PRKN: variants seen among roughly 807,000 people sequenced by gnomAD.
PRKN encodes E3 ubiquitin-protein ligase parkin.
A neutral mutation model predicts 59.5 loss-of-function variants in PRKN; 56 were observed. The ratio of observed to expected loss-of-function variants is 0.94; its 90% CI spans 0.76 to 1.18. PRKN has a LOEUF of 1.18. PRKN is among the 50% of genes most tolerant of loss of function. The probability of loss-of-function intolerance (pLI) is 0.00; values close to 1 mark genes in which losing one functional copy is unlikely to be tolerated. For missense variants in PRKN, 657 were observed against 596.4 expected (o/e 1.10, Z -1.06); for synonymous variants, 250 against 222.1 (o/e 1.13, Z -1.12).
intron 7 of PRKN, among the ~76,000 whole-genome samples, chr6:161,685,033 T>C (rs535462761): frequency 6.6e-6 from 1 of 152,210 alleles, no homozygotes; most frequent in Non-Finnish European, 1.5e-5. Context: ...TGGAAACAAC[T>C]GAAAAACTCT....
rs540947830 is a variant in PRKN at position 162,602,948 on chromosome 6, G to A, written c.7+124714C>T. On this transcript the variant is annotated intron_variant, in intron 1 of 11. Transcript: ENST00000366898. ...ATACTAAGTGTGTCACATCCTCTCC[G>A]CCTGGGGTTCTTGGCTGACATTACC... 1.2e-4 allele frequency among the ~76,000 whole-genome samples: 18 copies of A among 152,168 alleles called. No individual in the cohort carries two copies. The South Asian group carries it at 2.3e-3, about 19-fold the overall frequency.
rs186503679 is a variant in PRKN at position 162,586,350 on chromosome 6, C to T, written c.7+141312G>A. Among the ~76,000 whole-genome samples, 7 of 152,214 alleles carry T rather than the reference C, an allele frequency of 4.6e-5. No homozygotes were observed. The East Asian group carries it at 1.2e-3, about 25-fold the overall frequency. On this transcript the variant is annotated intron_variant, in intron 1 of 11. Transcript: ENST00000366898. ...TGTGTTTCAATAGTTAGCATTAATT[C>T]GAAACTAAAATGTACTCTGCTAATG...
rs1786489540 is a variant in PRKN, at chr6:161,391,207, A to G, written c.1084-4330T>C. Among the ~76,000 whole-genome samples, 1 of 152,052 alleles carries G rather than the reference A, an allele frequency of 6.6e-6. No individual in the cohort carries two copies. The highest frequency in any genetic ancestry group is 2.1e-4 in the South Asian group (1 of 4,828). ...CGCCTGGATCCTTCTTTAACCAACC[A>G]TGTAGAAGGCTGAAATTTACCCAGG... is the stretch of plus-strand genomic sequence containing the variant. On this transcript the variant is annotated intron_variant, in intron 9 of 11. Transcript: ENST00000366898. This position sits in a 1 kb window ranked among gnomAD's most constrained non-coding sequence, Gnocchi z 4.9.
chr6:161,994,351 T>G (rs543496512), intron 5 of PRKN, among the ~76,000 whole-genome samples: 2 of 152,062 alleles, frequency 1.3e-5, no homozygotes, highest in East Asian at 3.9e-4. Context: ...ATCAACAAAC[T>G]AGGCATAGAA....
intron 6 of PRKN, among the ~76,000 whole-genome samples, chr6:161,932,680 C>T (rs1189382052): frequency 6.6e-6 from 1 of 152,218 alleles, no homozygotes; most frequent in Non-Finnish European, 1.5e-5. Context: ...TCTCTGACTT[C>T]TGCTAGTCAG....
intron 2 of PRKN, among the ~76,000 whole-genome samples, chr6:162,366,639 G>A (rs1011080488): frequency 1.3e-5 from 2 of 152,050 alleles, no homozygotes; most frequent in African/African-American, 2.4e-5. Context: ...GGCACGATGG[G>A]TCATGCCTGT....
chr6:162,168,041 A>G (rs1409658081), intron 4 of PRKN, among the ~76,000 whole-genome samples: 1 of 152,234 alleles, frequency 6.6e-6, no homozygotes, highest in African/African-American at 2.4e-5. Context: ...CTTTGAAGAC[A>G]AAATTGCTCA....
At chr6:162,364,972 TC>T (rs1443841102) in intron 2 of PRKN, among the ~76,000 whole-genome samples, 358 of 145,454 alleles carry the variant, frequency 2.5e-3, no homozygotes, top group African/African-American at 8.8e-3. Flanking sequence ...CCTCTCTCTC[TC>T]TCTCTCTTTT....
At chr6:161,629,941 C>G (rs1408848918) in intron 7 of PRKN, among the ~76,000 whole-genome samples, 1 of 152,212 alleles carries the variant, frequency 6.6e-6, no homozygotes, top group African/African-American at 2.4e-5. Context: ...GTCTGAGTCT[C>G]TAGCTTAAGG....
At chr6:162,696,979 AAATATT>A (rs1274121027) in intron 1 of PRKN, among the ~76,000 whole-genome samples, 1 of 152,226 alleles carries the variant, frequency 6.6e-6, no homozygotes, top group Non-Finnish European at 1.5e-5. Context: ...ACATATCTAT[AAATATT>A]AACAATGCTT....
intron 8 of PRKN, among the ~76,000 whole-genome samples, chr6:161,558,111 G>T (rs985846872): frequency 6.6e-6 from 1 of 152,206 alleles, no homozygotes; most frequent in Non-Finnish European, 1.5e-5. Context: ...ACTCTGTGAA[G>T]TGATGGATGT....
chr6:162,024,336 A>G (rs1783337235), intron 5 of PRKN, among the ~76,000 whole-genome samples: 1 of 150,500 alleles, frequency 6.6e-6, no homozygotes, highest in Admixed American at 6.7e-5. Flanking sequence ...AGCTGGGGGT[A>G]ATTGCATGTG....
intron 2 of PRKN, among the ~76,000 whole-genome samples, chr6:162,343,246 C>A (rs922809353): frequency 1.3e-5 from 2 of 152,050 alleles, no homozygotes; most frequent in Non-Finnish European, 2.9e-5. Flanking sequence ...GACTGTTAAC[C>A]TTGGGATCAA....
At chr6:161,623,781 G>A (rs111635989) in intron 7 of PRKN, among the ~76,000 whole-genome samples, 2 of 152,164 alleles carry the variant, frequency 1.3e-5, no homozygotes, top group South Asian at 2.1e-4. Flanking sequence ...AAAGAATGAA[G>A]ACATAAGTAA....
intron 1 of PRKN, among the ~76,000 whole-genome samples, chr6:162,459,662 T>C (rs1358543686): frequency 6.6e-6 from 1 of 152,214 alleles, no homozygotes; most frequent in East Asian, 1.9e-4. Context: ...TTCACATGTA[T>C]CTTACAGAGT....
intron 1 of PRKN, among the ~76,000 whole-genome samples, chr6:162,627,417 G>A (rs1207881225): frequency 6.6e-6 from 1 of 152,186 alleles, no homozygotes; most frequent in Non-Finnish European, 1.5e-5. Context: ...TCCCCAGATT[G>A]TGAAGAGCTC....
At position 161,575,003 on chromosome 6, in the gene PRKN, C is replaced by T. The variant is rs1781075163; in HGVS notation, c.872-5587G>A. Among the ~76,000 whole-genome samples the T allele has an allele frequency of 6.6e-6, 1 of 152,174 alleles. No homozygotes were observed. Among genetic ancestry groups the T allele is most frequent in the Admixed American group, 6.6e-5 (1 of 15,266 alleles). On this transcript the variant is annotated intron_variant, in intron 7 of 11. Coordinates refer to ENST00000366898, the MANE Select transcript of PRKN (RefSeq NM_004562.3). This position sits in a 1 kb window ranked among gnomAD's most constrained non-coding sequence, Gnocchi z 4.6. The stretch of plus-strand genomic sequence containing the variant: ...CTTGGAAATTTAAAAGAGAATGTCA[C>T]CTCTTTCCGTGCCATCCTCATGCCG...
At chr6:161,871,810 A>C (rs1046737595) in intron 6 of PRKN, among the ~76,000 whole-genome samples, 2 of 152,170 alleles carry the variant, frequency 1.3e-5, no homozygotes, top group African/African-American at 4.8e-5. Context: ...GTCTGTGTTC[A>C]GAATACTTAA....
chr6:161,886,494 T>G (rs947473396), intron 6 of PRKN, among the ~76,000 whole-genome samples: 3 of 151,974 alleles, frequency 2.0e-5, no homozygotes, highest in African/African-American at 7.3e-5. Flanking sequence ...GTCAGGAGTT[T>G]GAGACCAGCC....
Sources: allele counts gnomAD v4.1 joint callset (sites outside exome capture counted in the v4.1 genomes callset), GRCh38; gene constraint gnomAD v4.1.1; non-coding constraint Gnocchi (gnomAD v3.1); transcripts MANE v1.5; gene names NCBI Gene and HGNC (gene_info 2026-07-23, HGNC 2026-07-21).